The following PRKN variants were observed in gnomAD, a reference collection of about 807,000 sequenced individuals.
PRKN encodes the protein E3 ubiquitin-protein ligase parkin.
PRKN carries 56 observed loss-of-function variants against 59.5 expected under a neutral mutation model. The ratio of observed to expected loss-of-function variants is 0.94; its 90% confidence interval spans 0.76 to 1.18. PRKN has a LOEUF of 1.18. PRKN is among the 50% of genes most tolerant of loss of function. PRKN has a pLI of 0.00. For missense variants in PRKN, 657 were observed against 596.4 expected, an observed-to-expected ratio of 1.10 and a Z score of -1.06; for synonymous variants, 250 against 222.1, an observed-to-expected ratio of 1.13 and a Z score of -1.12.
chr6:162,672,702 G>A (rs1779377687), intron 1 of PRKN, among the ~76,000 whole-genome samples: 2 of 151,852 alleles, frequency 1.3e-5, no homozygotes, highest in African/African-American at 4.8e-5. Flanking sequence ...GTGTGTGTGT[G>A]TGTGTGTGTG....
intron 1 of PRKN, among the ~76,000 whole-genome samples, chr6:162,540,480 A>T (rs1450924201): frequency 6.6e-6 from 1 of 152,140 alleles, no homozygotes; most frequent in Non-Finnish European, 1.5e-5. Context: ...AAACAATGTA[A>T]GTCAACTCAG....
chr6:161,920,619 G>T (rs918942914), intron 6 of PRKN, among the ~76,000 whole-genome samples: 1 of 151,530 alleles, frequency 6.6e-6, no homozygotes, highest in South Asian at 2.1e-4. Flanking sequence ...ACCCCGTCTC[G>T]TCTCTACTAA....
intron 1 of PRKN, among the ~76,000 whole-genome samples, chr6:162,687,434 T>G (rs762911972): frequency 6.6e-6 from 1 of 152,102 alleles, no homozygotes; most frequent in African/African-American, 2.4e-5. Flanking sequence ...TCCACCCGCC[T>G]TGGCCTCCCA....
intron 9 of PRKN, among the ~76,000 whole-genome samples, chr6:161,511,167 T>TTTTTAAAATAAAATAAAAAGA (rs1778374894): frequency 2.6e-5 from 4 of 152,136 alleles, no homozygotes; most frequent in Admixed American, 2.6e-4. Context: ...TTTGTGGAGA[T>TTTTTAAAATAAAATAAAAAGA]TTTTAAAAAT....
At chr6:161,942,808 G>C (rs1439214145) in intron 6 of PRKN, among the ~76,000 whole-genome samples, 1 of 152,052 alleles carries the variant, frequency 6.6e-6, no homozygotes, top group Admixed American at 6.6e-5. Context: ...TTATATCAGA[G>C]ATCTGTAATA....
chr6:161,636,503 G>T (rs1332569306), intron 7 of PRKN, among the ~76,000 whole-genome samples: 1 of 152,248 alleles, frequency 6.6e-6, no homozygotes, highest in Admixed American at 6.5e-5. Context: ...AAAGCAGGGA[G>T]CGTGGTCCTT....
At position 162,203,921 on chromosome 6, in the gene PRKN, T is replaced by C. The variant is rs76876697; in HGVS notation, c.413-2669A>G. On this transcript the variant is annotated intron_variant, in intron 3 of 11. Transcript: ENST00000366898. ...GAAACATAGAGAGATATTTCAAAAA[T>C]TGTACAAATCACATCCTTCATTGTA... Among the ~76,000 whole-genome samples, 1,500 of 152,280 alleles carry C rather than the reference T, an allele frequency of 9.9e-3. 10 individuals are homozygous for C. The highest frequency in any genetic ancestry group is 0.015 in the Non-Finnish European group (991 of 68,012).
At chr6:162,330,012 A>G (rs1783501531) in intron 2 of PRKN, among the ~76,000 whole-genome samples, 1 of 152,198 alleles carries the variant, frequency 6.6e-6, no homozygotes. Context: ...GCCATCTTAC[A>G]AGGCAGTCCA....
At position 161,776,695 on chromosome 6, in the gene PRKN, T is replaced by C. The variant is rs566179619; in HGVS notation, c.871+9077A>G. 3.8e-4 allele frequency among the ~76,000 whole-genome samples: 58 copies of C among 152,216 alleles called. No homozygotes were observed. In the Middle Eastern group the frequency reaches 0.01, roughly 27 times the overall value. ...GCATTGGGATCTTTAAAAACTTCCA[T>C]GTAACTGAAAAGCATATCTGGGGTT... On this transcript the variant is annotated intron_variant, in intron 7 of 11. Coordinates refer to ENST00000366898, the MANE Select transcript of PRKN (RefSeq NM_004562.3).
intron 4 of PRKN, among the ~76,000 whole-genome samples, chr6:162,149,809 A>C (rs1782187385): frequency 6.6e-6 from 1 of 152,186 alleles, no homozygotes; most frequent in African/African-American, 2.4e-5. Flanking sequence ...GGAAGGGCGA[A>C]GGCAGTCAAG....
intron 1 of PRKN, among the ~76,000 whole-genome samples, chr6:162,496,650 G>A (rs1193884611): frequency 6.6e-6 from 1 of 152,160 alleles, no homozygotes; most frequent in African/African-American, 2.4e-5. Context: ...TCCTCGCAAT[G>A]ATCCTGAGTG....
chr6:161,755,910 T>A (rs1408290573), intron 7 of PRKN, among the ~76,000 whole-genome samples: 2 of 152,020 alleles, frequency 1.3e-5, no homozygotes, highest in African/African-American at 4.8e-5. Context: ...CTGTTGCCAA[T>A]AGACAGTGGG....
intron 1 of PRKN, among the ~76,000 whole-genome samples, chr6:162,715,380 G>C (rs907701226): frequency 1.2e-4 from 19 of 152,192 alleles, no homozygotes; most frequent in Admixed American, 5.9e-4. Flanking sequence ...ACACTATAAA[G>C]ATGGAATGAA....
chr6:161,680,762 TATATA>T lies in PRKN; in HGVS notation c.871+105005_871+105009del, dbSNP rs1329123617. ...ATATATATATATATATATATATATA[TATATA>T]TATATATATTTTTTTTTTTTTTTCT... On this transcript the variant is annotated intron_variant, in intron 7 of 11. Transcript: ENST00000366898. Among the ~76,000 whole-genome samples the T allele has an allele frequency of 7.9e-3, 144 of 18,228 alleles. 11 individuals carry two copies. Among genetic ancestry groups the T allele is most frequent in the Admixed American group, 0.047 (64 of 1,350 alleles). 12.0% of individuals were successfully genotyped at this position (18,228 alleles called of 152,430 possible).
chr6:162,519,609 T>G (rs1323151371), intron 1 of PRKN, among the ~76,000 whole-genome samples: 1 of 152,178 alleles, frequency 6.6e-6, no homozygotes, highest in Non-Finnish European at 1.5e-5. Flanking sequence ...AATACTGACT[T>G]CTTTCTGAGG....
chr6:162,630,003 A>T (rs1783043362), intron 1 of PRKN, among the ~76,000 whole-genome samples: 1 of 152,118 alleles, frequency 6.6e-6, no homozygotes, highest in Non-Finnish European at 1.5e-5. Context: ...GCAGTGTAAA[A>T]TCCTACTGGG....
rs1371012685 is a variant in PRKN at position 161,874,901 on chromosome 6, A to T, written c.735-88993T>A. The stretch of plus-strand genomic sequence containing the variant: ...TAAAATATATAATATATAATATATA[A>T]TATATATTATAAAATATAAAATATA... On this transcript the variant is annotated intron_variant, in intron 6 of 11. Coordinates refer to ENST00000366898, the MANE Select transcript of PRKN (RefSeq NM_004562.3). Among the ~76,000 whole-genome samples, 556 of 108,990 alleles carry T rather than the reference A, an allele frequency of 5.1e-3. 26 individuals carry two copies. The highest frequency in any genetic ancestry group is 0.022 in the Middle Eastern group (2 of 92). 71.5% of individuals were successfully genotyped at this position (108,990 alleles called of 152,430 possible). A position where few individuals can be genotyped will look rare whatever the true frequency, so the allele number is the denominator to read the frequency against.
chr6:162,469,568 T>C (rs1014210261), intron 1 of PRKN, among the ~76,000 whole-genome samples: 3 of 151,894 alleles, frequency 2.0e-5, no homozygotes, highest in Non-Finnish European at 4.4e-5. Flanking sequence ...AATGAATTAA[T>C]GGCATTTGCA....
chr6:162,497,346 C>T (rs912877742), intron 1 of PRKN, among the ~76,000 whole-genome samples: 3 of 152,200 alleles, frequency 2.0e-5, no homozygotes, highest in African/African-American at 2.4e-5. Flanking sequence ...ACTACGCTTC[C>T]GGAAATAGGT....
Sources: allele counts gnomAD v4.1 joint callset (sites outside exome capture counted in the v4.1 genomes callset), GRCh38; gene constraint gnomAD v4.1.1; transcripts MANE v1.5; gene names NCBI Gene and HGNC (gene_info 2026-07-23, HGNC 2026-07-21).